LPAR3: variants seen among roughly 807,000 people sequenced by gnomAD.
The protein encoded by LPAR3 is LPA receptor 3.
Under a neutral mutation model 17.8 loss-of-function variants are expected in LPAR3, and 7 were observed. The ratio of observed to expected loss-of-function variants is 0.39; its 90% CI spans 0.22 to 0.74. The LOEUF (loss-of-function observed/expected upper bound fraction) is 0.74. Among genes scored for constraint, LPAR3 ranks in the 30% least tolerant of loss-of-function variants. The probability of loss-of-function intolerance (pLI) is 0.40; values close to 1 mark genes in which losing one functional copy is unlikely to be tolerated. For missense variants in LPAR3, 391 were observed against 453.4 expected, an observed-to-expected ratio of 0.86 and a Z score of 1.25; for synonymous variants, 179 against 179.9, an observed-to-expected ratio of 0.99 and a Z score of 0.04.
At chr1:84,856,826 T>C (rs905175583) in intron 2 of LPAR3, among the ~76,000 whole-genome samples, 1 of 152,210 alleles carries the variant, frequency 6.6e-6, no homozygotes, top group Non-Finnish European at 1.5e-5. Flanking sequence ...AGCTAATGCT[T>C]TGTGGCCAGG....
chr1:84,868,620 A>G lies in LPAR3; in HGVS notation c.-18-2482T>C, dbSNP rs925110727. 7.9e-5 allele frequency among the ~76,000 whole-genome samples: 12 copies of G among 152,090 alleles called. No homozygotes were observed. In the East Asian group the frequency reaches 2.1e-3, roughly 27 times the overall value. ...AAATTCATGTTGACACCTAACCCTAACTGCAGTGATATTAATAGGTGGGGA... is the reference window on the plus strand; with the variant it reads ...AAATTCATGTTGACACCTAACCCTAGCTGCAGTGATATTAATAGGTGGGGA... On this transcript the variant is annotated intron_variant, in intron 1 of 2. Transcript: ENST00000370611.
intron 1 of LPAR3, among the ~76,000 whole-genome samples, chr1:84,879,614 G>A (rs926910446): frequency 5.3e-5 from 8 of 152,032 alleles, no homozygotes; most frequent in African/African-American, 1.4e-4. Context: ...CCCAGCCCAC[G>A]TTTTCCTTTT....
rs1658823254 is a variant in LPAR3, at chr1:84,812,033, A to G, written c.*1813T>C. On this transcript the variant is annotated 3_prime_UTR_variant, in exon 3 of 3. Transcript: ENST00000370611. Reference sequence around the variant, plus strand: ...GAACCCAGATCAAAATTCAGTTCACATGTAAGCCAGGTACCAGAAGGATGC... The same window carrying G: ...GAACCCAGATCAAAATTCAGTTCACGTGTAAGCCAGGTACCAGAAGGATGC... 1 of 152,218 alleles carries G rather than the reference A, an allele frequency of 6.6e-6. No individual in the cohort carries two copies. Among genetic ancestry groups the G allele is most frequent in the Non-Finnish European group, 1.5e-5 (1 of 68,036 alleles). 9.4% of individuals were successfully genotyped at this position (152,218 alleles called of 1,614,324 possible). A position where few individuals can be genotyped will look rare whatever the true frequency, so the allele number is the denominator to read the frequency against.
In LPAR3 at chr1:84,890,947, T is replaced by A. The variant is rs74096186; in HGVS notation, c.-19+2069A>T. On this transcript the variant is annotated intron_variant, in intron 1 of 2. Transcript: ENST00000370611. Reference sequence around the variant, plus strand: ...TGCTGCCTGGCTACAATGCTGTGTGTGCATTTCTTCCACTGTGCACGTGTG... The same window carrying A: ...TGCTGCCTGGCTACAATGCTGTGTGAGCATTTCTTCCACTGTGCACGTGTG... Among the ~76,000 whole-genome samples, 588 of 152,322 alleles carry A rather than the reference T, an allele frequency of 3.9e-3. 2 individuals carry two copies. Among genetic ancestry groups the A allele is most frequent in the African/African-American group, 0.014 (567 of 41,574 alleles).
chr1:84,888,128 T>TTATA (rs59851142), intron 1 of LPAR3, among the ~76,000 whole-genome samples: 4 of 147,816 alleles, frequency 2.7e-5, no homozygotes, highest in Non-Finnish European at 5.9e-5. Context: ...GATGTATATT[T>TTATA]TATATATATA....
chr1:84,864,977 T>G (rs1660010759), intron 2 of LPAR3, among the ~76,000 whole-genome samples: 1 of 151,986 alleles, frequency 6.6e-6, no homozygotes. Context: ...TTCTCCCACC[T>G]GGAACACCCT....
chr1:84,889,859 G>A (rs1345410960), intron 1 of LPAR3, among the ~76,000 whole-genome samples: 2 of 152,110 alleles, frequency 1.3e-5, no homozygotes, highest in Non-Finnish European at 2.9e-5. Context: ...GCTCTTTCAC[G>A]TACATAAGTT....
At chr1:84,826,422 AT>A (rs1357498753) in intron 2 of LPAR3, among the ~76,000 whole-genome samples, 1 of 151,998 alleles carries the variant, frequency 6.6e-6, no homozygotes, top group Admixed American at 6.6e-5. Flanking sequence ...GACAGAACTT[AT>A]TTTTTTAATC....
At chr1:84,886,038 T>C (rs1660453488) in intron 1 of LPAR3, among the ~76,000 whole-genome samples, 2 of 152,166 alleles carry the variant, frequency 1.3e-5, no homozygotes, top group African/African-American at 4.8e-5. Context: ...CTCTGAGAGA[T>C]CTAGAAGCAA....
intron 2 of LPAR3, among the ~76,000 whole-genome samples, chr1:84,836,383 C>G (rs1659406389): frequency 6.7e-6 from 1 of 148,842 alleles, no homozygotes; most frequent in Admixed American, 6.7e-5. Context: ...TGCTGAGCAT[C>G]TGTCATCAAT....
At chr1:84,816,967 A>T (rs1658943616) in intron 2 of LPAR3, among the ~76,000 whole-genome samples, 1 of 152,172 alleles carries the variant, frequency 6.6e-6, no homozygotes, top group Non-Finnish European at 1.5e-5. Flanking sequence ...TTTTGAAGAC[A>T]GTTAACGCTT....
chr1:84,892,218 TAAATA>T (rs1275458574), intron 1 of LPAR3, among the ~76,000 whole-genome samples: 23 of 72,826 alleles, frequency 3.2e-4, no homozygotes, highest in African/African-American at 1.1e-3. Context: ...GTCTCAAAAA[TAAATA>T]AATAAATAAA....
chr1:84,827,058 T>G (rs746407914), intron 2 of LPAR3, among the ~76,000 whole-genome samples: 2 of 152,184 alleles, frequency 1.3e-5, no homozygotes, highest in Non-Finnish European at 2.9e-5. Context: ...GTTTACTAAA[T>G]AGAAAAATGC....
intron 2 of LPAR3, among the ~76,000 whole-genome samples, chr1:84,852,701 A>G (rs1659742303): frequency 1.3e-5 from 2 of 152,142 alleles, no homozygotes; most frequent in Admixed American, 6.5e-5. Flanking sequence ...TGGGGACCCA[A>G]AGGAGAAGGA....
chr1:84,892,954 A>T (rs1037215666), intron 1 of LPAR3, 62 bp downstream of exon 1: 4 of 152,322 alleles, frequency 2.6e-5, no homozygotes, highest in African/African-American at 9.7e-5. Context: ...CGGCCTCCCC[A>T]CGACGCACGC....
intron 2 of LPAR3, among the ~76,000 whole-genome samples, chr1:84,852,286 G>A (rs950312656): frequency 2.6e-5 from 4 of 152,058 alleles, no homozygotes; most frequent in Non-Finnish European, 5.9e-5. Context: ...TCACCATGTT[G>A]GCCAGGATGG....
At chr1:84,830,206 C>A (rs571097215) in intron 2 of LPAR3, among the ~76,000 whole-genome samples, 1 of 152,186 alleles carries the variant, frequency 6.6e-6, no homozygotes, top group Non-Finnish European at 1.5e-5. Context: ...CAAAAGGCAA[C>A]CTGTTTGTAA....
chr1:84,813,159 A>ATATATATG lies in LPAR3; in HGVS notation c.*686_*687insCATATATA, dbSNP rs59691846. 6.2e-5 allele frequency: 6 copies of ATATATATG among 97,528 alleles called. No homozygotes were observed. The highest frequency in any genetic ancestry group is 3.4e-4 in the South Asian group (1 of 2,944). The allele number at this position is 97,528 out of a possible 1,614,324, so 6.0% of individuals were successfully genotyped here. ...TATATATATATATATATATATATAT[A>ATATATATG]GACACACACACACACACACACACAC... is the stretch of plus-strand genomic sequence containing the variant. On this transcript the variant is annotated 3_prime_UTR_variant, in exon 3 of 3. Coordinates refer to ENST00000370611, the MANE Select transcript of LPAR3 (RefSeq NM_012152.3).
chr1:84,853,433 G>C (rs929214428), intron 2 of LPAR3, among the ~76,000 whole-genome samples: 3 of 152,230 alleles, frequency 2.0e-5, no homozygotes, highest in Non-Finnish European at 2.9e-5. Context: ...AAAGCTCAAA[G>C]ACCTTGGGGA....
Sources: allele counts gnomAD v4.1 joint callset (sites outside exome capture counted in the v4.1 genomes callset), GRCh38; gene constraint gnomAD v4.1.1; transcripts MANE v1.5; gene names NCBI Gene and HGNC (gene_info 2026-07-23, HGNC 2026-07-21).